The following MMS22L variants were observed in gnomAD, a reference collection of about 807,000 sequenced individuals.
The protein encoded by MMS22L is MMS22 like, DNA repair protein, also known as protein MMS22-like.
A neutral mutation model predicts 159.1 loss-of-function variants in MMS22L; 74 were observed. That is an observed-to-expected ratio of 0.47 (90% confidence interval 0.39 to 0.56). The LOEUF is 0.56. Ranked by LOEUF, MMS22L falls within the 20% of genes least tolerant of loss-of-function variation. The probability of loss-of-function intolerance (pLI) is 0.00; values close to 1 mark genes in which losing one functional copy is unlikely to be tolerated. For missense variants in MMS22L, 1,351 were observed against 1,422.1 expected, an observed-to-expected ratio of 0.95 and a Z score of 0.80; for synonymous variants, 517 against 506.9, an observed-to-expected ratio of 1.02 and a Z score of -0.27.
chr6:97,239,897 A>G (rs1186039191), intron 11 of MMS22L, among the ~76,000 whole-genome samples: 1 of 152,230 alleles, frequency 6.6e-6, no homozygotes, highest in African/African-American at 2.4e-5. Context: ...GGTGACAGTG[A>G]AAGACTCTGT....
chr6:97,219,674 G>C (rs1336053656), intron 14 of MMS22L, among the ~76,000 whole-genome samples: 1 of 152,058 alleles, frequency 6.6e-6, no homozygotes, highest in African/African-American at 2.4e-5. Context: ...AATGAAAGAG[G>C]GTGATCTGAA....
chr6:97,214,354 A>G (rs1203028906), intron 14 of MMS22L, among the ~76,000 whole-genome samples: 2 of 152,212 alleles, frequency 1.3e-5, no homozygotes, highest in Non-Finnish European at 2.9e-5. Flanking sequence ...TACACAATGA[A>G]CACCAATAAT....
chr6:97,156,685 G>A (rs554659030), intron 22 of MMS22L, among the ~76,000 whole-genome samples: 36 of 152,232 alleles, frequency 2.4e-4, no homozygotes, highest in African/African-American at 8.2e-4. Flanking sequence ...ATCTGTGTTG[G>A]TACCAGTACC....
Position 97,144,301 on chromosome 6 carries a change from A to C in MMS22L, c.*2505T>G, listed in dbSNP as rs1260686855. The C allele has an allele frequency of 6.6e-6, 1 of 152,110 alleles. No homozygotes were observed. The highest frequency in any genetic ancestry group is 1.5e-5 in the Non-Finnish European group (1 of 68,018). The allele number at this position is 152,110 out of a possible 1,614,324, so 9.4% of individuals were successfully genotyped here. A position where few individuals can be genotyped will look rare whatever the true frequency, so the allele number is the denominator to read the frequency against. Reference sequence around the variant, plus strand: ...TTCCAGGATCCCCTGTGCATACCATAATCTGCACTTACTCAAGTCCTGCAG... The same window carrying C: ...TTCCAGGATCCCCTGTGCATACCATCATCTGCACTTACTCAAGTCCTGCAG... On this transcript the variant is annotated 3_prime_UTR_variant, in exon 25 of 25. Coordinates refer to ENST00000683635, the MANE Select transcript of MMS22L (RefSeq NM_001350599.2).
chr6:97,213,985 A>G (rs1162832739), intron 14 of MMS22L, among the ~76,000 whole-genome samples: 1 of 152,230 alleles, frequency 6.6e-6, no homozygotes, highest in African/African-American at 2.4e-5. Flanking sequence ...AGGTTTTTCA[A>G]CTAGTTAAAA....
At chr6:97,232,531 C>T (rs557060308) in intron 12 of MMS22L, among the ~76,000 whole-genome samples, 7 of 152,104 alleles carry the variant, frequency 4.6e-5, no homozygotes, top group African/African-American at 1.7e-4. Context: ...CTATTGCAGT[C>T]ATTATTCTTT....
At chr6:97,260,108 T>C (rs1814296578) in intron 9 of MMS22L, 1 of 152,204 alleles carries the variant, frequency 6.6e-6, no homozygotes, top group South Asian at 2.1e-4. Context: ...TTTTCCTTTA[T>C]GTTTAAAGTG....
Position 97,278,879 on chromosome 6 carries a change from C to T in MMS22L, c.310G>A (p.Glu104Lys), listed in dbSNP as rs766353964. ...HLFRQQLYNL[E>K]TLLQSSCDFG... is the part of the protein sequence containing the mutation. ...TCACAACTGGACTGTAACAAGGTTT[C>T]CAAGTTGTACAGTTGTTGCCTAATT... Residue 104 changes from glutamate to lysine, a missense_variant, in exon 4 of 25, where the codon GAA (glutamate) becomes AAA (lysine). Transcript: ENST00000683635. 7 of 1,613,214 alleles carry T rather than the reference C, an allele frequency of 4.3e-6. No individual in the cohort carries two copies. The highest frequency in any genetic ancestry group is 3.3e-4 in the Middle Eastern group (2 of 6,056).
intron 23 of MMS22L, among the ~76,000 whole-genome samples, 161 bp from the exon 24 acceptor site, chr6:97,150,181 A>G (rs1159658589): frequency 6.6e-6 from 1 of 152,204 alleles, no homozygotes; most frequent in Non-Finnish European, 1.5e-5. Context: ...AACACTTTAA[A>G]ATAAAGAATT....
At chr6:97,159,931 T>C (rs188519731) in intron 22 of MMS22L, among the ~76,000 whole-genome samples, 8 of 149,526 alleles carry the variant, frequency 5.4e-5, no homozygotes, top group African/African-American at 1.7e-4. Flanking sequence ...ATATTAACCT[T>C]CTTATTTATC....
rs9384901 is a variant in MMS22L, at chr6:97,272,458, G to A, written c.606+246C>T. The A allele has an allele frequency of 4.2e-3, 1,668 of 394,386 alleles. 63 individuals carry two copies. The East Asian group carries it at 0.059, about 14-fold the overall frequency. 24.4% of individuals were successfully genotyped at this position (394,386 alleles called of 1,614,324 possible). A position where few individuals can be genotyped will look rare whatever the true frequency, so the allele number is the denominator to read the frequency against. The stretch of plus-strand genomic sequence containing the variant: ...GACTACTATGTTTTAATAACTTCAT[G>A]TATATGAATTTATTTAATTCATCCA... On this transcript the variant is annotated intron_variant, in intron 6 of 24. Transcript: ENST00000683635.
chr6:97,183,813 GT>G (rs1481289487), intron 15 of MMS22L, among the ~76,000 whole-genome samples: 2 of 152,098 alleles, frequency 1.3e-5, no homozygotes, highest in Non-Finnish European at 2.9e-5. Context: ...AAGTGACTTT[GT>G]TTGTACCATG....
rs528244754 is a variant in MMS22L, at chr6:97,250,139, A to AT, written c.1120-3450dup. Among the ~76,000 whole-genome samples, 39 of 151,588 alleles carry AT rather than the reference A, an allele frequency of 2.6e-4. No individual in the cohort carries two copies. In the South Asian group the frequency reaches 5.6e-3, roughly 22 times the overall value. ...AAATTTCACTTTGGGCAGCTACAGC[A>AT]TTTTTTTTTCTACATACCAAGTTAA... On this transcript the variant is annotated intron_variant, in intron 10 of 24. Transcript: ENST00000683635.
chr6:97,271,160 CT>C lies in MMS22L; in HGVS notation c.607-1169del, dbSNP rs574839679. ...GACTGTTATAACAAATATATAAAGT[CT>C]TGAAAGATGCTTTTTATTTTATTAT... On this transcript the variant is annotated intron_variant, in intron 6 of 24. Coordinates refer to ENST00000683635, the MANE Select transcript of MMS22L (RefSeq NM_001350599.2). The C allele has an allele frequency of 4.2e-3, 645 of 152,040 alleles. 10 individuals are homozygous for C. The highest frequency in any genetic ancestry group is 0.015 in the African/African-American group (633 of 41,494). 9.4% of individuals were successfully genotyped at this position (152,040 alleles called of 1,614,324 possible). A position where few individuals can be genotyped will look rare whatever the true frequency, so the allele number is the denominator to read the frequency against.
At chr6:97,240,597 C>G (rs983712916) in intron 11 of MMS22L, among the ~76,000 whole-genome samples, 1 of 151,134 alleles carries the variant, frequency 6.6e-6, no homozygotes, top group African/African-American at 2.4e-5. Context: ...CACCCATCAC[C>G]TGAGCAATAT....
chr6:97,214,495 C>T (rs1051201780), intron 14 of MMS22L, among the ~76,000 whole-genome samples: 8 of 152,062 alleles, frequency 5.3e-5, no homozygotes, highest in African/African-American at 1.4e-4. Flanking sequence ...AAGAATACAA[C>T]AAAATATCAA....
rs753679490 is a variant in MMS22L at position 97,173,111 on chromosome 6, C to T, written c.2791G>A (p.Gly931Arg). 1 of 1,612,654 alleles carries T rather than the reference C, an allele frequency of 6.2e-7. No homozygotes were observed. The highest frequency in any genetic ancestry group is 2.2e-5 in the East Asian group (1 of 44,806). ...EVLKYIKPYLGKKVFSAGLQL... is the reference protein window; with the variant it reads ...EVLKYIKPYLRKKVFSAGLQL... The stretch of plus-strand genomic sequence containing the variant: ...AGCCCTGCACTGAAAACTTTTTTTC[C>T]CAAATAAGGCTTAATATATTTTAAT... The change falls in exon 19 of 25, where the codon GGA becomes AGA. Residue 931 changes from glycine to arginine, a missense_variant. Coordinates refer to ENST00000683635, the MANE Select transcript of MMS22L (RefSeq NM_001350599.2).
chr6:97,202,735 C>T (rs926458120), intron 14 of MMS22L, among the ~76,000 whole-genome samples: 4 of 152,124 alleles, frequency 2.6e-5, no homozygotes, highest in Non-Finnish European at 4.4e-5. Context: ...CAAGATTTAA[C>T]TGTAATAATT....
intron 23 of MMS22L, chr6:97,151,527 C>T: frequency 4.7e-6 from 2 of 421,678 alleles, no homozygotes; most frequent in Non-Finnish European, 8.8e-6. Context: ...ACTGTTCATG[C>T]AAGATTCTTC....
Sources: allele counts gnomAD v4.1 joint callset (sites outside exome capture counted in the v4.1 genomes callset), GRCh38; gene constraint gnomAD v4.1.1; transcripts MANE v1.5; gene names NCBI Gene and HGNC (gene_info 2026-07-23, HGNC 2026-07-21).